Variants in BCR observed in about 807,000 individuals in gnomAD.
BCR encodes the protein BCR activator of RhoGEF and GTPase.
Under a neutral mutation model 138.6 loss-of-function variants are expected in BCR, and 58 were observed. The ratio of observed to expected loss-of-function variants is 0.42; its 90% CI spans 0.34 to 0.52. The LOEUF is 0.52. BCR is among the 20% of genes least tolerant of loss of function. The pLI is 0.06. For synonymous variants in BCR, 786 were observed against 730.1 expected (o/e 1.08, Z -1.23); for missense variants, 1,599 against 1,727.2 (o/e 0.93, Z 1.32).
At chr22:23,287,675 G>T (rs1216511511) in intron 11 of BCR, among the ~76,000 whole-genome samples, 2 of 152,316 alleles carry the variant, frequency 1.3e-5, no homozygotes, top group Non-Finnish European at 2.9e-5. Context: ...GTCTGTCAAT[G>T]TCCAGAATGG....
chr22:23,281,973 A>G (rs1448343217), intron 8 of BCR, among the ~76,000 whole-genome samples: 1 of 152,164 alleles, frequency 6.6e-6, no homozygotes. Flanking sequence ...CTGGGTCTGC[A>G]GTTTCTGAGC....
intron 1 of BCR, among the ~76,000 whole-genome samples, chr22:23,219,257 G>A (rs560106872): frequency 6.6e-6 from 1 of 152,298 alleles, no homozygotes; most frequent in African/African-American, 2.4e-5. Context: ...CCAGTGAGTC[G>A]GTGAAAGCTG....
chr22:23,236,357 G>A (rs1235892711), intron 1 of BCR, among the ~76,000 whole-genome samples: 11 of 152,224 alleles, frequency 7.2e-5, no homozygotes, highest in Non-Finnish European at 2.9e-5. Context: ...ATGTTTGTCT[G>A]CACTGCTGCT....
chr22:23,317,369 C>T lies in BCR; in HGVS notation c.*1847C>T, dbSNP rs981527546. ...GGCGAGGACAGAACAGGAGCCTCTGCTCTCTGTACCTATCTGGGCCCGGTG... is the reference window on the plus strand; with the variant it reads ...GGCGAGGACAGAACAGGAGCCTCTGTTCTCTGTACCTATCTGGGCCCGGTG... On this transcript the variant is annotated 3_prime_UTR_variant, in exon 23 of 23. Coordinates refer to ENST00000305877, the MANE Select transcript of BCR (RefSeq NM_004327.4). 1 of 186,102 alleles carries T rather than the reference C, an allele frequency of 5.4e-6. No homozygotes were observed. Among genetic ancestry groups the T allele is most frequent in the Non-Finnish European group, 1.0e-5 (1 of 95,560 alleles). The allele number at this position is 186,102 out of a possible 1,614,324, so 11.5% of individuals were successfully genotyped here.
At position 23,300,803 on chromosome 22, in the gene BCR, C is replaced by T. The variant is rs186305987; in HGVS notation, c.3012+5648C>T. On this transcript the variant is annotated intron_variant, in intron 16 of 22. Transcript: ENST00000305877. ...GCCAGAGCACCAGCTTCAAATGAAGCAGAGGCTCACAGTCCAAATCTCATC... is the reference window on the plus strand; with the variant it reads ...GCCAGAGCACCAGCTTCAAATGAAGTAGAGGCTCACAGTCCAAATCTCATC... 5.1e-4 allele frequency among the ~76,000 whole-genome samples: 78 copies of T among 152,330 alleles called. No homozygotes were observed. The East Asian group carries it at 0.014, about 28-fold the overall frequency.
intron 1 of BCR, among the ~76,000 whole-genome samples, chr22:23,221,528 G>C (rs1320953314): frequency 6.6e-6 from 1 of 152,170 alleles, no homozygotes; most frequent in Non-Finnish European, 1.5e-5. Context: ...AAGGGCTGGG[G>C]GCTTCTGGGG....
chr22:23,282,207 A>G (rs2073654142), intron 8 of BCR, among the ~76,000 whole-genome samples: 1 of 152,182 alleles, frequency 6.6e-6, no homozygotes, highest in Non-Finnish European at 1.5e-5. Flanking sequence ...CCCACTGCAG[A>G]CCCAGCAGTT....
At chr22:23,223,211 C>T (rs1374381352) in intron 1 of BCR, among the ~76,000 whole-genome samples, 1 of 152,148 alleles carries the variant, frequency 6.6e-6, no homozygotes, top group African/African-American at 2.4e-5. Context: ...AGGGGTGACA[C>T]CTTGGAGTGG....
rs144606065 is a variant in BCR, at chr22:23,181,056, G to A, written c.96G>A (p.Glu32=). The A allele has an allele frequency of 1.3e-6, 2 of 1,519,550 alleles. No homozygotes were observed. The highest frequency in any genetic ancestry group is 1.7e-4 in the Middle Eastern group (1 of 5,724). 94.1% of individuals were successfully genotyped at this position (1,519,550 alleles called of 1,614,324 possible). The change falls in exon 1 of 23, where the codon GAG becomes GAA. Residue 32 remains glutamate, a synonymous_variant. Transcript: ENST00000305877. Reference sequence around the variant, plus strand: ...AGCTGCGCTCAGTGGGCGACATCGAGCAGGAGCTGGAGCGCTGCAAGGCCT... The same window carrying A: ...AGCTGCGCTCAGTGGGCGACATCGAACAGGAGCTGGAGCGCTGCAAGGCCT... ...RMELRSVGDI[E]QELERCKASI...
intron 15 of BCR, among the ~76,000 whole-genome samples, chr22:23,293,770 C>T (rs568780163): frequency 6.6e-6 from 1 of 152,130 alleles, no homozygotes; most frequent in Non-Finnish European, 1.5e-5. Flanking sequence ...AAGATCTGGA[C>T]TTGGGGACAC....
chr22:23,295,116 C>G lies in BCR; in HGVS notation c.2973C>G (p.Gly991=), dbSNP rs138199372. 13 of 1,614,002 alleles carry G rather than the reference C, an allele frequency of 8.1e-6. No individual in the cohort carries two copies. The African/African-American group carries it at 1.7e-4, about 22-fold the overall frequency. ...AGACGAAGATCCCCAAGGAGGACGGCGAGAGCACGGACAGACTCATGGGGA... is the reference window on the plus strand; with the variant it reads ...AGACGAAGATCCCCAAGGAGGACGGGGAGAGCACGGACAGACTCATGGGGA... ...YNKTKIPKED[G]ESTDRLMGKG... The change falls in exon 16 of 23, where the codon GGC becomes GGG. Residue 991 remains glycine, a synonymous_variant. Coordinates refer to ENST00000305877, the MANE Select transcript of BCR (RefSeq NM_004327.4).
In BCR at chr22:23,196,724, A is replaced by G. The variant is rs148022368; in HGVS notation, c.1279+14485A>G. On this transcript the variant is annotated intron_variant, in intron 1 of 22. Transcript: ENST00000305877. ...CCTGCACAGCCTAGATCCCTCGCATACATAAGCCACAATAGGGCTTCTGCT... is the reference window on the plus strand; with the variant it reads ...CCTGCACAGCCTAGATCCCTCGCATGCATAAGCCACAATAGGGCTTCTGCT... 1.3e-4 allele frequency among the ~76,000 whole-genome samples: 20 copies of G among 152,280 alleles called. No homozygotes were observed. The East Asian group carries it at 3.5e-3, about 26-fold the overall frequency.
At chr22:23,207,911 C>T (rs2072636731) in intron 1 of BCR, among the ~76,000 whole-genome samples, 2 of 152,126 alleles carry the variant, frequency 1.3e-5, no homozygotes. Context: ...TGCCCTACAC[C>T]CCGTGTGTGC....
chr22:23,283,090 C>G (rs2073667508), intron 8 of BCR: 1 of 152,250 alleles, frequency 6.6e-6, no homozygotes, highest in Non-Finnish European at 1.5e-5. Flanking sequence ...GACAGCCTCT[C>G]CTCCTGTCCC....
chr22:23,217,359 C>T (rs950728886), intron 1 of BCR, among the ~76,000 whole-genome samples: 4 of 152,182 alleles, frequency 2.6e-5, no homozygotes, highest in African/African-American at 7.2e-5. Flanking sequence ...GCCTGGCCTT[C>T]GGGAAGAAGA....
intron 1 of BCR, among the ~76,000 whole-genome samples, chr22:23,225,547 G>C (rs539777406): frequency 6.6e-6 from 1 of 152,242 alleles, no homozygotes; most frequent in South Asian, 2.1e-4. Context: ...ATCAGGACAC[G>C]GGTATGGGGG....
chr22:23,210,709 T>G (rs949882396), intron 1 of BCR, among the ~76,000 whole-genome samples: 1 of 152,220 alleles, frequency 6.6e-6, no homozygotes, highest in Non-Finnish European at 1.5e-5. Flanking sequence ...TTAGCACTTT[T>G]CCGAATGTCA....
Position 23,260,883 on chromosome 22 carries a change from A to G in BCR, c.1462-67A>G, listed in dbSNP as rs2073349112. On this transcript the variant is annotated intron_variant, in intron 2 of 22. Coordinates refer to ENST00000305877, the MANE Select transcript of BCR (RefSeq NM_004327.4). ...GTCAACAAGCTGGCCCTCCTCTCTC[A>G]GAGGGCCCTGATGGAAGAATCCCCC... is the stretch of plus-strand genomic sequence containing the variant. The G allele has an allele frequency of 2.1e-6, 3 of 1,419,188 alleles. No homozygotes were observed. In the South Asian group the frequency reaches 3.5e-5, roughly 16 times the overall value. The allele number at this position is 1,419,188 out of a possible 1,614,324, so 87.9% of individuals were successfully genotyped here.
intron 1 of BCR, among the ~76,000 whole-genome samples, chr22:23,241,828 C>T (rs2073096084): frequency 6.6e-6 from 1 of 152,164 alleles, no homozygotes; most frequent in Admixed American, 6.5e-5. Flanking sequence ...TCACCTGTCT[C>T]CCTGCAGCCT....
Sources: gnomAD v4.1 joint callset for allele counts (sites outside exome capture counted in the v4.1 genomes callset) on GRCh38, gnomAD v4.1.1 for gene constraint, MANE v1.5 for transcripts, NCBI Gene and HGNC (gene_info 2026-07-23, HGNC 2026-07-21) for gene names.